The following ADCY10 variants were observed in gnomAD, a reference collection of about 807,000 sequenced individuals.
ADCY10 encodes adenylate cyclase type 10.
Under a neutral mutation model 183.3 loss-of-function variants are expected in ADCY10, and 156 were observed. The observed-to-expected ratio is 0.85, with a 90% CI of 0.75 to 0.97. The LOEUF (loss-of-function observed/expected upper bound fraction) is 0.97, where lower values mean the gene tolerates loss of function less well. Among genes scored for constraint, ADCY10 ranks in the 50% least tolerant of loss-of-function variants. The pLI, the probability that ADCY10 is intolerant of heterozygous loss-of-function variation, is 0.00. For synonymous variants in ADCY10, 645 were observed against 670.0 expected, an observed-to-expected ratio of 0.96 and a Z score of 0.58; for missense variants, 1,745 against 1,934.3, an observed-to-expected ratio of 0.90 and a Z score of 1.84.
At chr1:167,819,862 G>A (rs558333021) in intron 30 of ADCY10, 6 of 775,210 alleles carry the variant, frequency 7.7e-6, no homozygotes, top group East Asian at 7.6e-5. Flanking sequence ...ACCGCGCCCG[G>A]CATGATTTTC....
rs570987563 is a variant in ADCY10 at position 167,901,915 on chromosome 1, G to C, written c.292+101C>G. 13 of 1,605,322 alleles carry C rather than the reference G, an allele frequency of 8.1e-6. No homozygotes were observed. The East Asian group carries it at 2.7e-4, about 33-fold the overall frequency. On this transcript the variant is annotated intron_variant, in intron 4 of 32. Coordinates refer to ENST00000367851, the MANE Select transcript of ADCY10 (RefSeq NM_018417.6). ...TCAAGCATTCCTCAGCCTATCTCCTGGCCACTCCCTTCTCTAGGATGCCTC... is the reference window on the plus strand; with the variant it reads ...TCAAGCATTCCTCAGCCTATCTCCTCGCCACTCCCTTCTCTAGGATGCCTC...
At chr1:167,858,916 T>C (rs1666096939) in intron 16 of ADCY10, among the ~76,000 whole-genome samples, 1 of 152,134 alleles carries the variant, frequency 6.6e-6, no homozygotes, top group Non-Finnish European at 1.5e-5. Flanking sequence ...GATAAGAGCC[T>C]GAACTATGGC....
intron 31 of ADCY10, among the ~76,000 whole-genome samples, chr1:167,814,358 AACTT>A (rs1242046439): frequency 1.3e-4 from 20 of 152,066 alleles, no homozygotes; most frequent in Middle Eastern, 6.8e-3. Flanking sequence ...ATCAGAAAGA[AACTT>A]ACAAGAGGCA....
intron 7 of ADCY10, among the ~76,000 whole-genome samples, chr1:167,894,333 T>C (rs1264604311): frequency 6.6e-6 from 1 of 152,104 alleles, no homozygotes; most frequent in Non-Finnish European, 1.5e-5. Flanking sequence ...GCAGCAGGAA[T>C]AACATTAAGA....
chr1:167,815,461 G>A (rs1022961978), intron 31 of ADCY10, among the ~76,000 whole-genome samples: 1 of 152,160 alleles, frequency 6.6e-6, no homozygotes, highest in African/African-American at 2.4e-5. Context: ...ACCTAAGGAA[G>A]AGGGGACTGA....
chr1:167,856,557 G>A (rs1415030015), intron 16 of ADCY10, 118 bp from the exon 17 acceptor site: 1 of 968,776 alleles, frequency 1.0e-6, no homozygotes, highest in Admixed American at 1.9e-5. Context: ...TGCAGCGAAA[G>A]AACTAAGTTC....
chr1:167,881,452 A>T, intron 9 of ADCY10, among the ~76,000 whole-genome samples: 1 of 152,218 alleles, frequency 6.6e-6, no homozygotes, highest in East Asian at 1.9e-4. Context: ...GTTAGATCTT[A>T]AAAAGGACTG....
chr1:167,809,947 G>A, intron 32 of ADCY10, 108 bp from the exon 33 acceptor site: 1 of 1,170,430 alleles, frequency 8.5e-7, no homozygotes, highest in Non-Finnish European at 1.3e-6. Context: ...AAAACCATGT[G>A]AACCCATAGA....
chr1:167,824,980 A>G (rs1465903044), intron 26 of ADCY10, 125 bp from the exon 27 acceptor site: 1 of 951,778 alleles, frequency 1.1e-6, no homozygotes, highest in East Asian at 2.5e-5. Context: ...CATTTGGCCG[A>G]AGCCATGGGC....
intron 22 of ADCY10, 79 bp downstream of exon 22, chr1:167,837,166 CCAGA>C: frequency 7.6e-7 from 1 of 1,319,288 alleles, no homozygotes; most frequent in South Asian, 1.2e-5. Flanking sequence ...AAAGTACTGG[CCAGA>C]CAAATGATTC....
At chr1:167,912,928 AG>A (rs1670243317) in intron 1 of ADCY10, among the ~76,000 whole-genome samples, 1 of 152,246 alleles carries the variant, frequency 6.6e-6, no homozygotes, top group African/African-American at 2.4e-5. Flanking sequence ...TGGAATATCC[AG>A]GTCTGTGGGA....
chr1:167,866,750 T>TA (rs368735411), intron 14 of ADCY10, among the ~76,000 whole-genome samples: 14,000 of 123,006 alleles, frequency 0.11, 2,383 homozygotes, highest in African/African-American at 0.37. Context: ...AAAGTTCACT[T>TA]AAAAAAAAAA....
intron 31 of ADCY10, among the ~76,000 whole-genome samples, chr1:167,813,608 A>G (rs1662350942): frequency 6.6e-6 from 1 of 152,198 alleles, no homozygotes; most frequent in Non-Finnish European, 1.5e-5. Context: ...AGAAATAAAG[A>G]TCTCAACAAA....
chr1:167,832,964 C>G, intron 25 of ADCY10, 23 bp downstream of exon 25: 1 of 1,611,828 alleles, frequency 6.2e-7, no homozygotes. Context: ...AAACAGTCTG[C>G]TCTCCCCAGC....
chr1:167,845,726 G>T lies in ADCY10; in HGVS notation c.2844C>A (p.Ala948=). 1 of 1,614,236 alleles carries T rather than the reference G, an allele frequency of 6.2e-7. No individual in the cohort carries two copies. Among genetic ancestry groups the T allele is most frequent in the Non-Finnish European group, 8.5e-7 (1 of 1,180,056 alleles). The change falls in exon 21 of 33, where the codon GCC becomes GCA. Residue 948 remains alanine, a synonymous_variant. Transcript: ENST00000367851. ...AAAAGCGGGCACATTTCAAGTGCAT[G>T]GCTTTTCTCTGGTCCTTGAGCCACA... ...YELWLKDQRK[A]MHLKCARFLE... is the part of the protein sequence containing the mutation.
At chr1:167,818,705 T>A (rs12088781) in intron 30 of ADCY10, among the ~76,000 whole-genome samples, 26,020 of 152,120 alleles carry the variant, frequency 0.17, 2,410 homozygotes, top group African/African-American at 0.23. Flanking sequence ...GCCCAGCTAA[T>A]TTTTTGTATT....
At chr1:167,869,246 G>A (rs1033699534) in intron 14 of ADCY10, among the ~76,000 whole-genome samples, 1 of 152,120 alleles carries the variant, frequency 6.6e-6, no homozygotes, top group Non-Finnish European at 1.5e-5. Context: ...CTGCTCCCTT[G>A]CTTGCTGCCT....
At chr1:167,882,484 C>CAAAAAAAA (rs71100909) in intron 9 of ADCY10, among the ~76,000 whole-genome samples, 4 of 71,148 alleles carry the variant, frequency 5.6e-5, no homozygotes, top group Admixed American at 1.6e-4. Flanking sequence ...GATTCCGTCT[C>CAAAAAAAA]AAAAAAAAAA....
intron 14 of ADCY10, among the ~76,000 whole-genome samples, chr1:167,865,605 GT>G (rs1666620337): frequency 6.6e-6 from 1 of 152,124 alleles, no homozygotes; most frequent in Admixed American, 6.5e-5. Flanking sequence ...ATAAAATGGT[GT>G]TTAGCTTTCT....
Sources: gnomAD v4.1 joint callset for allele counts (sites outside exome capture counted in the v4.1 genomes callset) on GRCh38, gnomAD v4.1.1 for gene constraint, MANE v1.5 for transcripts, NCBI Gene and HGNC (gene_info 2026-07-23, HGNC 2026-07-21) for gene names.